The following DDAH1 variants were observed in gnomAD, a reference collection of about 807,000 sequenced individuals.
DDAH1 encodes dimethylarginine dimethylaminohydrolase 1.
A neutral mutation model predicts 28.8 loss-of-function variants in DDAH1; 19 were observed. The ratio of observed to expected loss-of-function variants is 0.66; its 90% CI spans 0.46 to 0.97. The LOEUF is 0.97. Among genes scored for constraint, DDAH1 ranks in the 50% least tolerant of loss-of-function variants. DDAH1 has a pLI of 0.00. For synonymous variants in DDAH1, 153 were observed against 154.4 expected (o/e 0.99, Z 0.07); for missense variants, 326 against 375.9 (o/e 0.87, Z 1.10).
chr1:85,372,200 T>G (rs2100888620), intron 1 of DDAH1, among the ~76,000 whole-genome samples: 1 of 152,242 alleles, frequency 6.6e-6, no homozygotes, highest in Non-Finnish European at 1.5e-5. Flanking sequence ...TGTTCATACA[T>G]TTGCTTCTCT....
intron 1 of DDAH1, among the ~76,000 whole-genome samples, chr1:85,385,612 T>C (rs1418453896): frequency 6.6e-6 from 1 of 152,122 alleles, no homozygotes; most frequent in Non-Finnish European, 1.5e-5. Flanking sequence ...AGGAAGATGG[T>C]ATAGGAGAGC....
intron 1 of DDAH1, among the ~76,000 whole-genome samples, chr1:85,571,787 C>CTTTTTTT (rs58835610): frequency 0.019 from 1,605 of 85,478 alleles, 14 homozygotes; most frequent in African/African-American, 0.024. Context: ...TGTTTATAAG[C>CTTTTTTT]TTTTTTTTTT....
intron 4 of DDAH1, among the ~76,000 whole-genome samples, chr1:85,325,155 T>G (rs1647295828): frequency 6.6e-6 from 1 of 152,222 alleles, no homozygotes; most frequent in African/African-American, 2.4e-5. Flanking sequence ...GTCTATTATT[T>G]TTCTAGTCTT....
At chr1:85,428,686 C>T (rs1422262854) in intron 1 of DDAH1, among the ~76,000 whole-genome samples, 1 of 152,102 alleles carries the variant, frequency 6.6e-6, no homozygotes, top group Non-Finnish European at 1.5e-5. Context: ...AGCAAAGACT[C>T]AAGAGAAGTA....
intron 1 of DDAH1, among the ~76,000 whole-genome samples, chr1:85,550,840 C>T (rs1658767935): frequency 6.6e-6 from 1 of 152,144 alleles, no homozygotes; most frequent in Admixed American, 6.6e-5. Flanking sequence ...CATCTATCTG[C>T]TCTAGCCATT....
chr1:85,461,736 G>A (rs1264606253), intron 1 of DDAH1, among the ~76,000 whole-genome samples: 2 of 152,198 alleles, frequency 1.3e-5, no homozygotes, highest in South Asian at 2.1e-4. Context: ...ATACAGACAT[G>A]ATCCTAGCCC....
intron 1 of DDAH1, among the ~76,000 whole-genome samples, chr1:85,429,733 T>C (rs1464446349): frequency 6.6e-6 from 1 of 152,242 alleles, no homozygotes; most frequent in Admixed American, 6.5e-5. Flanking sequence ...GGTATCTCAC[T>C]GTGGTTTTGA....
chr1:85,471,211 T>C (rs1428455854), intron 2 of DDAH1, among the ~76,000 whole-genome samples: 1 of 152,210 alleles, frequency 6.6e-6, no homozygotes, highest in African/African-American at 2.4e-5. Context: ...AATCATAGCT[T>C]CTGCTGGCGG....
intron 1 of DDAH1, among the ~76,000 whole-genome samples, chr1:85,359,332 A>AG (rs1165849553): frequency 6.6e-6 from 1 of 152,152 alleles, no homozygotes; most frequent in Non-Finnish European, 1.5e-5. Context: ...CTGACTAGTT[A>AG]GGGCACATGA....
At chr1:85,477,709 T>A (rs1655851549) in intron 2 of DDAH1, among the ~76,000 whole-genome samples, 1 of 152,054 alleles carries the variant, frequency 6.6e-6, no homozygotes, top group Middle Eastern at 3.4e-3. Context: ...ATGTGAAATT[T>A]TGATGTGAAA....
intron 4 of DDAH1, among the ~76,000 whole-genome samples, chr1:85,339,063 A>G (rs1231814765): frequency 1.6e-5 from 2 of 124,602 alleles, no homozygotes; most frequent in Non-Finnish European, 3.5e-5. Flanking sequence ...AAAAAAAAAA[A>G]TATATATATA....
intron 1 of DDAH1, among the ~76,000 whole-genome samples, chr1:85,436,021 G>A (rs142659234): frequency 2.6e-5 from 4 of 151,330 alleles, no homozygotes; most frequent in African/African-American, 7.3e-5. Flanking sequence ...GACTGGTCTC[G>A]AACTCCTGAC....
chr1:85,551,434 C>T lies in DDAH1; in HGVS notation c.-123+26550G>A, dbSNP rs142595275. 7.0e-4 allele frequency among the ~76,000 whole-genome samples: 106 copies of T among 152,354 alleles called. 3 individuals are homozygous for T. The East Asian group carries it at 9.5e-3, about 14-fold the overall frequency. On this transcript the variant is annotated intron_variant, in intron 1 of 6. Coordinates refer to the DDAH1 transcript ENST00000426972. The stretch of plus-strand genomic sequence containing the variant: ...CCCAGCTTCTTCTGAGCACACTTAA[C>T]CACCACTGTTTGCACAGAATGGAAC...
chr1:85,552,896 C>T (rs535844749), intron 1 of DDAH1, among the ~76,000 whole-genome samples: 2 of 152,204 alleles, frequency 1.3e-5, no homozygotes, highest in South Asian at 4.2e-4. Flanking sequence ...TGGAGCCTAA[C>T]TTCTCTCCTC....
At chr1:85,373,116 A>G (rs1387162398) in intron 1 of DDAH1, among the ~76,000 whole-genome samples, 1 of 152,174 alleles carries the variant, frequency 6.6e-6, no homozygotes, top group Non-Finnish European at 1.5e-5. Context: ...TGTCAAAACT[A>G]AATGCATTTC....
intron 1 of DDAH1, among the ~76,000 whole-genome samples, chr1:85,517,733 A>C (rs1219603377): frequency 6.6e-6 from 1 of 152,176 alleles, no homozygotes; most frequent in East Asian, 1.9e-4. Flanking sequence ...GTCCCAAGAC[A>C]CTAAGGCTCC....
rs1408196831 is a variant in DDAH1 at position 85,447,627 on chromosome 1, C to G, written c.303+17116G>C. ...CTGACTAGAATGTAAAATCATTGACCTAGTAATATGATTGCTAGTCTGAGC... is the reference window on the plus strand; with the variant it reads ...CTGACTAGAATGTAAAATCATTGACGTAGTAATATGATTGCTAGTCTGAGC... On this transcript the variant is annotated intron_variant, in intron 1 of 5. Transcript: ENST00000284031. Among the ~76,000 whole-genome samples, 5 of 152,260 alleles carry G rather than the reference C, an allele frequency of 3.3e-5. No homozygotes were observed. In the East Asian group the frequency reaches 9.7e-4, roughly 29 times the overall value.
upstream of DDAH1, among the ~76,000 whole-genome samples, chr1:85,469,825 T>C (rs1655556411): frequency 6.6e-6 from 1 of 152,244 alleles, no homozygotes; most frequent in Non-Finnish European, 1.5e-5. Context: ...TTATGAATGA[T>C]AATTATGGCT....
chr1:85,466,668 T>A (rs1655392976), upstream of DDAH1, among the ~76,000 whole-genome samples: 2 of 152,086 alleles, frequency 1.3e-5, no homozygotes, highest in African/African-American at 2.4e-5. Flanking sequence ...TCTTAGGGGA[T>A]CCAGGCAGCC....
Sources: gnomAD v4.1 joint callset for allele counts (sites outside exome capture counted in the v4.1 genomes callset) on GRCh38, gnomAD v4.1.1 for gene constraint, MANE v1.5 for transcripts, NCBI Gene and HGNC (gene_info 2026-07-23, HGNC 2026-07-21) for gene names.